KRT23: variants seen among roughly 807,000 people sequenced by gnomAD.
KRT23 encodes the protein keratin, type I cytoskeletal 23.
KRT23 carries 38 observed loss-of-function variants against 47.6 expected under a neutral mutation model. That is an observed-to-expected ratio of 0.80 (90% confidence interval 0.62 to 1.05). KRT23 has a LOEUF of 1.05. Among genes scored for constraint, KRT23 ranks in the 50% least tolerant of loss-of-function variants. The pLI is 0.00. For synonymous variants in KRT23, 191 were observed against 199.0 expected (o/e 0.96, Z 0.34); for missense variants, 503 against 529.5 (o/e 0.95, Z 0.49).
chr17:40,936,182 A>G, intron 2 of KRT23, 26 bp downstream of exon 2: 2 of 1,613,252 alleles, frequency 1.2e-6, no homozygotes, highest in East Asian at 2.2e-5. Context: ...CCCCATCTGG[A>G]TCTCCAGGGT....
At position 40,923,057 on chromosome 17, in the gene KRT23, T is replaced by C. The variant is rs1414811373; in HGVS notation, c.1201A>G (p.Ile401Val). 5.6e-6 allele frequency: 9 copies of C among 1,613,928 alleles called. No homozygotes were observed. The highest frequency in any genetic ancestry group is 2.2e-5 in the East Asian group (1 of 44,896). ...KVSATPKIKAITQETINGRLV... is the reference protein window; with the variant it reads ...KVSATPKIKAVTQETINGRLV... Reference sequence around the variant, plus strand: ...CTTCCGTTGATGGTCTCCTGGGTTATGGCCTTGATCTTTGGAGTTGCAGAC... The same window carrying C: ...CTTCCGTTGATGGTCTCCTGGGTTACGGCCTTGATCTTTGGAGTTGCAGAC... Residue 401 changes from isoleucine to valine, a missense_variant, in exon 9 of 9, where the codon ATA becomes GTA. Physicochemically the swap from Ile to Val is conservative, Grantham distance 29. Transcript: ENST00000209718.
At chr17:40,930,772 C>CAAAT (rs144851372) in intron 3 of KRT23, among the ~76,000 whole-genome samples, 17,841 of 148,908 alleles carry the variant, frequency 0.12, 1,317 homozygotes, top group East Asian at 0.19. Flanking sequence ...CAAAAATAAA[C>CAAAT]AAATAAATAA....
rs146438034 is a variant in KRT23 at position 40,935,412 on chromosome 17, T to C, written c.396+796A>G. On this transcript the variant is annotated intron_variant, in intron 2 of 8. Transcript: ENST00000209718. ...CTTTAAAACATAACCTATGAGATGA[T>C]TGGATTCCTTCTACTTCTAGCTAAT... is the stretch of plus-strand genomic sequence containing the variant. Among the ~76,000 whole-genome samples, 34 of 152,290 alleles carry C rather than the reference T, an allele frequency of 2.2e-4. No homozygotes were observed. In the East Asian group the frequency reaches 6.2e-3, roughly 28 times the overall value.
chr17:40,928,492 A>G lies in KRT23; in HGVS notation c.752T>C (p.Ile251Thr). 1 of 1,614,148 alleles carries G rather than the reference A, an allele frequency of 6.2e-7. No homozygotes were observed. The highest frequency in any genetic ancestry group is 8.5e-7 in the Non-Finnish European group (1 of 1,180,036). ...CAAGTCTCGATGCTTCTTCTTTATTATAAGCTCATATTCTTGTCTCATATC... is the reference window on the plus strand; with the variant it reads ...CAAGTCTCGATGCTTCTTCTTTATTGTAAGCTCATATTCTTGTCTCATATC... ...LEDMRQEYEL[I>T]IKKKHRDLDT... is the part of the protein sequence containing the mutation. The change falls in exon 5 of 9, where the codon ATA (isoleucine) becomes ACA (threonine). Residue 251 changes from isoleucine (I) to threonine (T), a missense_variant. Physicochemically the swap from Ile to Thr is moderately conservative, Grantham distance 89. Coordinates refer to ENST00000209718, the MANE Select transcript of KRT23 (RefSeq NM_015515.5).
At chr17:40,930,716 A>G (rs140797871) in intron 3 of KRT23, among the ~76,000 whole-genome samples, 2,713 of 152,108 alleles carry the variant, frequency 0.018, 76 homozygotes, top group African/African-American at 0.061. Flanking sequence ...GTGAGCCGAG[A>G]TCACGCCACT....
chr17:40,930,053 CT>C lies in KRT23; in HGVS notation c.522del (p.Val175SerfsTer8). 1 of 1,614,144 alleles carries C rather than the reference CT, an allele frequency of 6.2e-7. No homozygotes were observed. The highest frequency in any genetic ancestry group is 8.5e-7 in the Non-Finnish European group (1 of 1,179,994). ...TCTAAGGTCCTTCGGAGGCCCTCGA[CT>C]TCAATTTCCAAGTCTTTCTTAAAGG... ...EHSFKKDLEI[E>X]VEGLRRTLDN... On this transcript the variant is annotated frameshift_variant, in exon 4 of 9. Coordinates refer to ENST00000209718, the MANE Select transcript of KRT23 (RefSeq NM_015515.5). LOFTEE classifies it high-confidence loss of function.
At chr17:40,934,453 A>G (rs1251778669) in intron 2 of KRT23, among the ~76,000 whole-genome samples, 1 of 152,132 alleles carries the variant, frequency 6.6e-6, no homozygotes, top group East Asian at 1.9e-4. Flanking sequence ...ACTTTTCTCA[A>G]TTCTGTTCCA....
Sources: gnomAD v4.1 joint callset for allele counts (sites outside exome capture counted in the v4.1 genomes callset) on GRCh38, gnomAD v4.1.1 for gene constraint, MANE v1.5 for transcripts, NCBI Gene and HGNC (gene_info 2026-07-23, HGNC 2026-07-21) for gene names.